Variants in TMEM107 observed in about 807,000 individuals in gnomAD.
TMEM107 encodes the protein transmembrane protein 107.
Under a neutral mutation model 16.8 loss-of-function variants are expected in TMEM107, and 18 were observed. The observed-to-expected ratio is 1.07, with a 90% CI of 0.74 to 1.59. The LOEUF is 1.59. Ranked by LOEUF, TMEM107 falls within the 40% of genes most tolerant of loss-of-function variation. The pLI is 0.00. For missense variants in TMEM107, 152 were observed against 175.4 expected, an observed-to-expected ratio of 0.87 and a Z score of 0.75; for synonymous variants, 68 against 71.6, an observed-to-expected ratio of 0.95 and a Z score of 0.25.
In TMEM107 at chr17:8,173,332, A is replaced by T. The variant is rs1047965542; in HGVS notation, c.*871T>A. ...ATTTAGCAAGACTGCAAAATAGACA[A>T]ACAGCAATAGCAAGACTGCAAAATA... is the stretch of plus-strand genomic sequence containing the variant. On this transcript the variant is annotated 3_prime_UTR_variant, in exon 5 of 5. Transcript: ENST00000437139. 1.8e-6 allele frequency: 1 copy of T among 556,040 alleles called. No homozygotes were observed. The highest frequency in any genetic ancestry group is 3.2e-6 in the Non-Finnish European group (1 of 308,860). The allele number at this position is 556,040 out of a possible 1,614,324, so 34.4% of individuals were successfully genotyped here. A position where few individuals can be genotyped will look rare whatever the true frequency, so the allele number is the denominator to read the frequency against.
In TMEM107 at chr17:8,174,740, G is replaced by A; in HGVS notation, c.257-124C>T. 3.7e-6 allele frequency: 3 copies of A among 820,436 alleles called. No homozygotes were observed. The South Asian group carries it at 4.4e-5, about 12-fold the overall frequency. The allele number at this position is 820,436 out of a possible 1,614,324, so 50.8% of individuals were successfully genotyped here. On this transcript the variant is annotated intron_variant, in intron 3 of 4. Coordinates refer to ENST00000437139, the MANE Select transcript of TMEM107 (RefSeq NM_183065.4). ...CCCTTGCTCCCTCACCATGTTTCAA[G>A]GGCTAGAGTCAGCAGCTCTGACTTC...
intron 1 of TMEM107, 32 bp from the exon 2 acceptor site, chr17:8,176,058 AAG>A (rs1984107589): frequency 6.2e-7 from 1 of 1,613,852 alleles, no homozygotes; most frequent in Non-Finnish European, 8.5e-7. Flanking sequence ...AGAAGTGAAA[AAG>A]GGGCAGGCTG....
Position 8,173,547 on chromosome 17 carries a change from C to T in TMEM107, c.*656G>A, listed in dbSNP as rs148909909. ...CTCCAATCATCATGTTCTAATCTGC[C>T]CTCCGGAGGAGGAACAGGTAAGGAT... On this transcript the variant is annotated 3_prime_UTR_variant, in exon 5 of 5. Transcript: ENST00000437139. The T allele has an allele frequency of 1.0e-3, 762 of 765,328 alleles. 1 individual carries two copies. Among genetic ancestry groups the T allele is most frequent in the African/African-American group, 3.0e-3 (178 of 59,182 alleles). 47.4% of individuals were successfully genotyped at this position (765,328 alleles called of 1,614,324 possible). A position where few individuals can be genotyped will look rare whatever the true frequency, so the allele number is the denominator to read the frequency against.
At chr17:8,174,891 C>A (rs1398241122) in intron 3 of TMEM107, 1 of 432,316 alleles carries the variant, frequency 2.3e-6, no homozygotes, top group Admixed American at 3.9e-5. Context: ...GTAGGCTCTC[C>A]TTCTGCTATG....
In TMEM107 at chr17:8,173,653, A is replaced by T; in HGVS notation, c.*550T>A. Reference sequence around the variant, plus strand: ...TTCCGTTACAAGCTAGGGTGAGTTCATAACGCGCTGGTATGAGCAATCCTA... The same window carrying T: ...TTCCGTTACAAGCTAGGGTGAGTTCTTAACGCGCTGGTATGAGCAATCCTA... On this transcript the variant is annotated 3_prime_UTR_variant, in exon 5 of 5. Transcript: ENST00000437139. The T allele has an allele frequency of 5.5e-6, 4 of 725,964 alleles. No homozygotes were observed. The highest frequency in any genetic ancestry group is 7.6e-6 in the Non-Finnish European group (3 of 393,102). The allele number at this position is 725,964 out of a possible 1,614,324, so 45.0% of individuals were successfully genotyped here. A position where few individuals can be genotyped will look rare whatever the true frequency, so the allele number is the denominator to read the frequency against.
In TMEM107 at chr17:8,173,898, A is replaced by G. The variant is rs137884691; in HGVS notation, c.*305T>C. 6.8e-3 allele frequency: 3,339 copies of G among 493,168 alleles called. 16 individuals are homozygous for G. The highest frequency in any genetic ancestry group is 9.4e-3 in the Non-Finnish European group (2,614 of 277,502). The allele number at this position is 493,168 out of a possible 1,614,324, so 30.5% of individuals were successfully genotyped here. ...TAGTAACCAAAATAGAAGCGATACC[A>G]AGTATCTTACGGTCTGCAGGACTAG... is the stretch of plus-strand genomic sequence containing the variant. On this transcript the variant is annotated 3_prime_UTR_variant, in exon 5 of 5. Transcript: ENST00000437139.
At position 8,174,528 on chromosome 17, in the gene TMEM107, G is replaced by A; in HGVS notation, c.345C>T (p.Val115=). The A allele has an allele frequency of 6.2e-7, 1 of 1,614,098 alleles. No individual in the cohort carries two copies. The highest frequency in any genetic ancestry group is 8.5e-7 in the Non-Finnish European group (1 of 1,180,000). Residue 115 remains valine (V), a synonymous_variant, in exon 4 of 5, where the codon GTC becomes GTT. Transcript: ENST00000437139. The stretch of plus-strand genomic sequence containing the variant: ...ATTGGATGCTACCACACCTGCAGAA[G>A]ACAAAAATGTACCAATACGTAGTGC... The part of the protein sequence containing the change: ...WECTTYWYIF[V]FCSALPAVTE...
Position 8,173,353 on chromosome 17 carries a change from A to C in TMEM107, c.*850T>G. On this transcript the variant is annotated 3_prime_UTR_variant, in exon 5 of 5. Coordinates refer to ENST00000437139, the MANE Select transcript of TMEM107 (RefSeq NM_183065.4). ...GACAAACAGCAATAGCAAGACTGCA[A>C]AATAGACAAACAGCAAGGTTATCCC... The C allele has an allele frequency of 1.6e-6, 1 of 612,744 alleles. No individual in the cohort carries two copies. The highest frequency in any genetic ancestry group is 2.3e-5 in the Admixed American group (1 of 43,660). 38.0% of individuals were successfully genotyped at this position (612,744 alleles called of 1,614,324 possible).
chr17:8,174,232 CG>C lies in TMEM107; in HGVS notation c.393del (p.Val132SerfsTer4). ...AAGGGTTTCTTTTTCAGCCCAAAGACGGTGACGAATAAAGCCATTTCAGTGA... is the reference window on the plus strand; with the variant it reads ...AAGGGTTTCTTTTTCAGCCCAAAGACGTGACGAATAAAGCCATTTCAGTGA... ...PAVTEMALFVTVFGLKKKPF is the reference protein window; with the variant it reads ...PAVTEMALFVXVFGLKKKPF On this transcript the variant is annotated frameshift_variant, in exon 5 of 5. Transcript: ENST00000437139. LOFTEE classifies it high-confidence loss of function. 6.2e-7 allele frequency: 1 copy of C among 1,614,134 alleles called. No individual in the cohort carries two copies. Among genetic ancestry groups the C allele is most frequent in the Non-Finnish European group, 8.5e-7 (1 of 1,180,016 alleles).
Position 8,173,504 on chromosome 17 carries a change from T to C in TMEM107, c.*699A>G, listed in dbSNP as rs375321751. ...GCAAGTCCTGATTACGCAGAGACGT[T>C]AATCACGTTTCATGCATCTCCAATC... On this transcript the variant is annotated 3_prime_UTR_variant, in exon 5 of 5. Coordinates refer to ENST00000437139, the MANE Select transcript of TMEM107 (RefSeq NM_183065.4). 5.7e-5 allele frequency: 44 copies of C among 765,308 alleles called. No individual in the cohort carries two copies. Among genetic ancestry groups the C allele is most frequent in the Middle Eastern group, 4.6e-4 (2 of 4,322 alleles). 47.4% of individuals were successfully genotyped at this position (765,308 alleles called of 1,614,324 possible). A position where few individuals can be genotyped will look rare whatever the true frequency, so the allele number is the denominator to read the frequency against.
At chr17:8,176,152 A>T (rs761711130) in intron 1 of TMEM107, 48 bp downstream of exon 1, 17 of 1,603,812 alleles carry the variant, frequency 1.1e-5, no homozygotes, top group Non-Finnish European at 1.3e-5. Flanking sequence ...GACTAGGACC[A>T]CTCAGAGATG....
rs1567549468 is a variant in TMEM107, at chr17:8,173,412, T to TG, written c.*790dup. 1.3e-6 allele frequency: 1 copy of TG among 744,398 alleles called. No individual in the cohort carries two copies. The highest frequency in any genetic ancestry group is 1.7e-5 in the Admixed American group (1 of 57,504). The allele number at this position is 744,398 out of a possible 1,614,324, so 46.1% of individuals were successfully genotyped here. ...CTTCATAGCTATGTTTGTGGATATC[T>TG]GCTAATCAGCATAACACAAATGTAA... On this transcript the variant is annotated 3_prime_UTR_variant, in exon 5 of 5. Coordinates refer to ENST00000437139, the MANE Select transcript of TMEM107 (RefSeq NM_183065.4).
rs1357679181 is a variant in TMEM107, at chr17:8,172,877, C to CAAAAAA, written c.*1325_*1326insTTTTTT. Among the ~76,000 whole-genome samples the CAAAAAA allele has an allele frequency of 2.1e-3, 216 of 104,854 alleles. 12 individuals carry two copies. Among genetic ancestry groups the CAAAAAA allele is most frequent in the Middle Eastern group, 0.011 (2 of 188 alleles). The allele number at this position is 104,854 out of a possible 152,430, so 68.8% of individuals were successfully genotyped here. On this transcript the variant is annotated 3_prime_UTR_variant, in exon 5 of 5. Coordinates refer to ENST00000437139, the MANE Select transcript of TMEM107 (RefSeq NM_183065.4). The stretch of plus-strand genomic sequence containing the variant: ...TCTCAAAAAAAAAAAAAAAAAAAAC[C>CAAAAAA]AAAAGAGGGGGGTGGTCAACATACC...
chr17:8,173,442 TC>T lies in TMEM107; in HGVS notation c.*760del, dbSNP rs749881760. ...ATCAGCATAACACAAATGTAAGTGATCGTCAGAAAGAATCAGACAGGAGCAA... is the reference window on the plus strand; with the variant it reads ...ATCAGCATAACACAAATGTAAGTGATGTCAGAAAGAATCAGACAGGAGCAA... On this transcript the variant is annotated 3_prime_UTR_variant, in exon 5 of 5. Coordinates refer to ENST00000437139, the MANE Select transcript of TMEM107 (RefSeq NM_183065.4). 4 of 761,168 alleles carry T rather than the reference TC, an allele frequency of 5.3e-6. No individual in the cohort carries two copies. Among genetic ancestry groups the T allele is most frequent in the Non-Finnish European group, 9.6e-6 (4 of 415,968 alleles). The allele number at this position is 761,168 out of a possible 1,614,324, so 47.2% of individuals were successfully genotyped here.
Position 8,173,476 on chromosome 17 carries a change from G to C in TMEM107, c.*727C>G, listed in dbSNP as rs541427710. ...AGAATCAGACAGGAGCAATCAGGGT[G>C]TTGCAAGTCCTGATTACGCAGAGAC... On this transcript the variant is annotated 3_prime_UTR_variant, in exon 5 of 5. Transcript: ENST00000437139. The C allele has an allele frequency of 7.8e-6, 6 of 764,608 alleles. No individual in the cohort carries two copies. The highest frequency in any genetic ancestry group is 6.8e-5 in the Admixed American group (4 of 58,960). The allele number at this position is 764,608 out of a possible 1,614,324, so 47.4% of individuals were successfully genotyped here.
At chr17:8,176,153 C>T (rs1413865194) in intron 1 of TMEM107, 47 bp downstream of exon 1, 1 of 1,606,536 alleles carries the variant, frequency 6.2e-7, no homozygotes, top group Non-Finnish European at 8.5e-7. Context: ...ACTAGGACCA[C>T]TCAGAGATGG....
rs1459199419 is a variant in TMEM107 at position 8,176,291 on chromosome 17, C to G, written c.-5G>C. On this transcript the variant is annotated 5_prime_UTR_variant, in exon 1 of 5. Coordinates refer to ENST00000437139, the MANE Select transcript of TMEM107 (RefSeq NM_183065.4). ...AAGCCCTGAGACCCGGCCCATGGCC[C>G]TCGGGGACAAGGGCGGCGGTCTCTG... The G allele has an allele frequency of 1.9e-6, 3 of 1,613,074 alleles. No homozygotes were observed. In the Admixed American group the frequency reaches 5.0e-5, roughly 27 times the overall value.
intron 1 of TMEM107, 34 bp from the exon 2 acceptor site, chr17:8,176,060 G>C (rs1182533548): frequency 1.2e-6 from 2 of 1,613,904 alleles, no homozygotes; most frequent in Non-Finnish European, 1.7e-6. Context: ...AAGTGAAAAA[G>C]GGGCAGGCTG....
rs977336042 is a variant in TMEM107, at chr17:8,173,181, A to G, written c.*1022T>C. The G allele has an allele frequency of 1.1e-5, 4 of 368,410 alleles. No homozygotes were observed. The highest frequency in any genetic ancestry group is 2.0e-5 in the Non-Finnish European group (4 of 196,986). The allele number at this position is 368,410 out of a possible 1,614,324, so 22.8% of individuals were successfully genotyped here. ...GACTGCAGATATTTACTGATGTGCA[A>G]TGTTTCCTGAGAAGTGAGGATTAAA... On this transcript the variant is annotated 3_prime_UTR_variant, in exon 5 of 5. Transcript: ENST00000437139.
Sources: gnomAD v4.1 joint callset for allele counts (sites outside exome capture counted in the v4.1 genomes callset) on GRCh38, gnomAD v4.1.1 for gene constraint, MANE v1.5 for transcripts, NCBI Gene and HGNC (gene_info 2026-07-23, HGNC 2026-07-21) for gene names.